The following CACNA1H variants were observed in gnomAD, a reference collection of about 807,000 sequenced individuals.
CACNA1H encodes voltage-dependent T-type calcium channel subunit alpha-1H.
Under a neutral mutation model 192.5 loss-of-function variants are expected in CACNA1H, and 149 were observed. That is an observed-to-expected ratio of 0.77 (90% CI 0.68 to 0.89). CACNA1H has a LOEUF of 0.89. CACNA1H is among the 40% of genes least tolerant of loss of function. The pLI is 0.00. For synonymous variants in CACNA1H, 2,202 were observed against 1,475.2 expected, an observed-to-expected ratio of 1.49 and a Z score of -11.29; for missense variants, 4,257 against 3,423.5, an observed-to-expected ratio of 1.24 and a Z score of -6.08.
intron 9 of CACNA1H, among the ~76,000 whole-genome samples, chr16:1,203,333 C>T (rs1030684747): frequency 1.3e-5 from 2 of 152,150 alleles, no homozygotes; most frequent in Non-Finnish European, 2.9e-5. Flanking sequence ...CGCATCGAGT[C>T]AAACAGAATC....
At position 1,180,616 on chromosome 16, in the gene CACNA1H, G is replaced by A. The variant is rs1349316039; in HGVS notation, c.300-14356G>A. On this transcript the variant is annotated intron_variant, in intron 2 of 34. Transcript: ENST00000348261. This position sits in a 1 kb window ranked among gnomAD's most constrained non-coding sequence, Gnocchi z 4.4. ...AGGGGCTGCTCTCCATAGTGTGTCG[G>A]GTGGGGAGTGGCCCACCTGGCCTTG... Among the ~76,000 whole-genome samples, 2 of 152,132 alleles carry A rather than the reference G, an allele frequency of 1.3e-5. No homozygotes were observed. Among genetic ancestry groups the A allele is most frequent in the Non-Finnish European group, 1.5e-5 (1 of 68,004 alleles).
At chr16:1,156,297 G>A (rs541720888) in intron 2 of CACNA1H, among the ~76,000 whole-genome samples, 32 of 152,246 alleles carry the variant, frequency 2.1e-4, no homozygotes, top group Non-Finnish European at 4.0e-4. Context: ...AACGCCCGTC[G>A]GTCAGGTGGA....
At chr16:1,209,931 C>T (rs1042263762) in intron 17 of CACNA1H, 104 bp from the exon 18 acceptor site, 5 of 824,360 alleles carry the variant, frequency 6.1e-6, no homozygotes, top group Non-Finnish European at 9.6e-6. Context: ...ATGGAGAAGG[C>T]TGAGAAGGTG....
chr16:1,208,601 A>G lies in CACNA1H; in HGVS notation c.3363+380A>G, dbSNP rs372286308. On this transcript the variant is annotated intron_variant, in intron 16 of 34. Coordinates refer to ENST00000348261, the MANE Select transcript of CACNA1H (RefSeq NM_021098.3). Reference sequence around the variant, plus strand: ...ACGGCCAGGGCATCTCTCTGGGTCCAGGGGGACTGGAGGGGAGCAGTTTTG... The same window carrying G: ...ACGGCCAGGGCATCTCTCTGGGTCCGGGGGGACTGGAGGGGAGCAGTTTTG... Among the ~76,000 whole-genome samples, 58 of 152,302 alleles carry G rather than the reference A, an allele frequency of 3.8e-4. 1 individual carries two copies. The South Asian group carries it at 0.012, about 31-fold the overall frequency.
At position 1,200,282 on chromosome 16, in the gene CACNA1H, C is replaced by T. The variant is rs372848579; in HGVS notation, c.830C>T (p.Pro277Leu). The T allele has an allele frequency of 1.5e-5, 24 of 1,602,644 alleles. No individual in the cohort carries two copies. In the East Asian group the frequency reaches 2.0e-4, roughly 13 times the overall value. The change falls in exon 7 of 35, where the codon CCG becomes CTG. Residue 277 changes from proline (P) to leucine (L), a missense_variant. Coordinates refer to ENST00000348261, the MANE Select transcript of CACNA1H (RefSeq NM_021098.3). The stretch of plus-strand genomic sequence containing the variant: ...AACAACAACCTGACCTTCCTGCGGC[C>T]GTACTACCAGACGGAGGAGGGCGAG... ...VRNNNLTFLR[P>L]YYQTEEGEEN...
intron 21 of CACNA1H, 23 bp downstream of exon 21, chr16:1,210,994 C>T (rs766968403): frequency 6.3e-7 from 1 of 1,587,466 alleles, no homozygotes; most frequent in South Asian, 1.1e-5. Flanking sequence ...CCGTGGGCTC[C>T]CGGGGCAACC....
At chr16:1,179,778 A>G (rs576275583) in intron 2 of CACNA1H, among the ~76,000 whole-genome samples, 19 of 107,734 alleles carry the variant, frequency 1.8e-4, no homozygotes, top group Admixed American at 2.8e-4. Context: ...TCTGTCGCCC[A>G]GGTTGGAGTG....
At chr16:1,199,265 C>A (rs182215129) in intron 6 of CACNA1H, among the ~76,000 whole-genome samples, 4 of 38,624 alleles carry the variant, frequency 1.0e-4, no homozygotes, top group Non-Finnish European at 2.0e-4. Flanking sequence ...TGCACATATG[C>A]CCCACCCCCC....
At chr16:1,164,441 C>T (rs1316413560) in intron 2 of CACNA1H, among the ~76,000 whole-genome samples, 1 of 152,198 alleles carries the variant, frequency 6.6e-6, no homozygotes, top group Non-Finnish European at 1.5e-5. Flanking sequence ...AGGTGACCCT[C>T]CTGCCTCAGC....
intron 2 of CACNA1H, among the ~76,000 whole-genome samples, chr16:1,186,947 G>A (rs2151789882): frequency 6.6e-6 from 1 of 152,262 alleles, no homozygotes; most frequent in South Asian, 2.1e-4. Flanking sequence ...CTGGTTCCCG[G>A]GGATCTCCTG....
intron 2 of CACNA1H, among the ~76,000 whole-genome samples, chr16:1,173,375 G>A (rs984140801): frequency 1.1e-4 from 17 of 152,226 alleles, no homozygotes; most frequent in African/African-American, 3.6e-4. Flanking sequence ...ACAACCTCCA[G>A]AACAGCGGCT....
At chr16:1,208,631 G>A (rs901994517) in intron 16 of CACNA1H, among the ~76,000 whole-genome samples, 8 of 152,134 alleles carry the variant, frequency 5.3e-5, no homozygotes, top group African/African-American at 1.9e-4. Flanking sequence ...GTTTTGAAAC[G>A]AACTCCAGGC....
intron 2 of CACNA1H, among the ~76,000 whole-genome samples, chr16:1,186,694 C>G (rs1966097431): frequency 6.6e-6 from 1 of 152,164 alleles, no homozygotes. Flanking sequence ...GGTCCCGATG[C>G]CCGTGGCACC....
chr16:1,216,970 T>A lies in CACNA1H; in HGVS notation c.5283T>A (p.Phe1761Leu). The change falls in exon 31 of 35, where the codon TTT becomes TTA. Residue 1761 changes from phenylalanine (F) to leucine (L), a missense_variant. Physicochemically the swap from Phe to Leu is conservative, Grantham distance 22. Transcript: ENST00000348261. ...GCCTTCTTTTCATGCTCCTGTTTTT[T>A]ATCTATGCTGCGCTGGGAGTGGAGC... ...NLGLLFMLLF[F>L]IYAALGVELF... is the part of the protein sequence containing the mutation. 6.2e-7 allele frequency: 1 copy of A among 1,604,210 alleles called. No homozygotes were observed. Among genetic ancestry groups the A allele is most frequent in the Non-Finnish European group, 8.5e-7 (1 of 1,175,664 alleles).
chr16:1,173,829 A>G (rs1337344669), intron 2 of CACNA1H, among the ~76,000 whole-genome samples: 4 of 152,022 alleles, frequency 2.6e-5, no homozygotes, highest in Admixed American at 6.6e-5. Context: ...CTCACACCAC[A>G]TGGGAGTTGT....
At chr16:1,217,635 C>T (rs1970136921) in intron 31 of CACNA1H, among the ~76,000 whole-genome samples, 1 of 152,228 alleles carries the variant, frequency 6.6e-6, no homozygotes, top group Non-Finnish European at 1.5e-5. Flanking sequence ...TCATCCCCCG[C>T]CACGCGCAGT....
At chr16:1,219,579 G>A (rs1369290670) in intron 34 of CACNA1H, among the ~76,000 whole-genome samples, 1 of 152,206 alleles carries the variant, frequency 6.6e-6, no homozygotes, top group Non-Finnish European at 1.5e-5. Flanking sequence ...TGCAGCCTCA[G>A]CTCCTCTTCC....
At chr16:1,203,055 A>G (rs946968921) in intron 9 of CACNA1H, among the ~76,000 whole-genome samples, 2 of 152,092 alleles carry the variant, frequency 1.3e-5, no homozygotes, top group South Asian at 2.1e-4. Flanking sequence ...ACACAGATGT[A>G]GAGACGCAGG....
intron 6 of CACNA1H, 80 bp from the exon 7 acceptor site, chr16:1,200,176 C>T (rs1052053167): frequency 3.4e-6 from 4 of 1,193,330 alleles, no homozygotes; most frequent in South Asian, 1.4e-5. Flanking sequence ...TGATCACGTC[C>T]CTGATCACAA....
Sources: gnomAD v4.1 joint callset for allele counts (sites outside exome capture counted in the v4.1 genomes callset) on GRCh38, gnomAD v4.1.1 for gene constraint, Gnocchi (gnomAD v3.1) non-coding constraint, MANE v1.5 for transcripts, NCBI Gene and HGNC (gene_info 2026-07-23, HGNC 2026-07-21) for gene names.